IL17RA: variants seen among roughly 807,000 people sequenced by gnomAD.
IL17RA encodes interleukin-17 receptor A.
In IL17RA, 34 loss-of-function variants were observed where a neutral mutation model predicts 50.4. The ratio of observed to expected loss-of-function variants is 0.67; its 90% CI spans 0.51 to 0.90. The LOEUF (loss-of-function observed/expected upper bound fraction) is 0.90. Ranked by LOEUF, IL17RA falls within the 40% of genes least tolerant of loss-of-function variation. The pLI, the probability that IL17RA is intolerant of heterozygous loss-of-function variation, is 0.00. For missense variants in IL17RA, 1,276 were observed against 1,169.8 expected, an observed-to-expected ratio of 1.09 and a Z score of -1.32; for synonymous variants, 585 against 510.4, an observed-to-expected ratio of 1.15 and a Z score of -1.97.
At position 17,097,132 on chromosome 22, in the gene IL17RA, A is replaced by C. The variant is rs372503124; in HGVS notation, c.163+46A>C. 8.3e-6 allele frequency: 13 copies of C among 1,571,982 alleles called. No homozygotes were observed. In the African/African-American group the frequency reaches 1.6e-4, roughly 20 times the overall value. On this transcript the variant is annotated intron_variant, in intron 2 of 12. Coordinates refer to ENST00000319363, the MANE Select transcript of IL17RA (RefSeq NM_014339.7). Reference sequence around the variant, plus strand: ...CTTCTTCTTGTTGCCTTCTTAATCAAGTGAGAGCCTGCTGCCAACTTCTGA... The same window carrying C: ...CTTCTTCTTGTTGCCTTCTTAATCACGTGAGAGCCTGCTGCCAACTTCTGA...
In IL17RA at chr22:17,109,393, A is replaced by G. The variant is rs781768130; in HGVS notation, c.2174A>G (p.Asp725Gly). The change falls in exon 13 of 13, where the codon GAC becomes GGC. Residue 725 changes from aspartate (D) to glycine (G), a missense_variant. Transcript: ENST00000319363. Reference protein sequence around the residue: ...SVLFLPVDPEDSPLGSSTPMA... With the variant: ...SVLFLPVDPEGSPLGSSTPMA... ...CTCTTCCTCCCCGTGGACCCCGAGG[A>G]CTCGCCCCTTGGCAGCAGCACCCCC... 3.1e-6 allele frequency: 5 copies of G among 1,612,566 alleles called. No individual in the cohort carries two copies. Among genetic ancestry groups the G allele is most frequent in the Non-Finnish European group, 3.4e-6 (4 of 1,179,834 alleles).
In IL17RA at chr22:17,109,707, C is replaced by T; in HGVS notation, c.2488C>T (p.Pro830Ser). ...AGGGAAGCCGGCCCTGCCACTCTCT[C>T]CCGAGGACCTGGAGAGCCTGAGGAG... ...DPGKPALPLS[P>S]EDLESLRSLQ... The change falls in exon 13 of 13, where the codon CCC becomes TCC. Residue 830 changes from proline to serine, a missense_variant. Coordinates refer to ENST00000319363, the MANE Select transcript of IL17RA (RefSeq NM_014339.7). 1.3e-6 allele frequency: 2 copies of T among 1,590,822 alleles called. No homozygotes were observed. The highest frequency in any genetic ancestry group is 8.6e-7 in the Non-Finnish European group (1 of 1,169,462).
intron 1 of IL17RA, among the ~76,000 whole-genome samples, chr22:17,087,073 T>C (rs573681283): frequency 5.3e-5 from 8 of 152,194 alleles, no homozygotes; most frequent in Non-Finnish European, 1.2e-4. Context: ...CTCTCTCTCT[T>C]CTGTATACAC....
chr22:17,102,367 T>C, intron 7 of IL17RA, 65 bp downstream of exon 7: 1 of 1,564,712 alleles, frequency 6.4e-7, no homozygotes, highest in South Asian at 1.1e-5. Context: ...CCTGAGTCTC[T>C]TCTCTGCTGG....
At position 17,109,134 on chromosome 22, in the gene IL17RA, G is replaced by A. The variant is rs1302572998; in HGVS notation, c.1915G>A (p.Val639Ile). ...GGCCTGCCTGGCCATAGACCCGCTGGTCGGGGAGGAAGGAGGAGCAGCAGT... is the reference window on the plus strand; with the variant it reads ...GGCCTGCCTGGCCATAGACCCGCTGATCGGGGAGGAAGGAGGAGCAGCAGT... ...SQACLAIDPLVGEEGGAAVAK... is the reference protein window; with the variant it reads ...SQACLAIDPLIGEEGGAAVAK... Residue 639 changes from valine (V) to isoleucine (I), a missense_variant, in exon 13 of 13, where the codon GTC becomes ATC. Physicochemically the swap from Val to Ile is conservative, Grantham distance 29 (BLOSUM62 3). Coordinates refer to ENST00000319363, the MANE Select transcript of IL17RA (RefSeq NM_014339.7). The A allele has an allele frequency of 9.7e-6, 15 of 1,541,816 alleles. No individual in the cohort carries two copies. Among genetic ancestry groups the A allele is most frequent in the Non-Finnish European group, 1.3e-5 (15 of 1,150,710 alleles).
chr22:17,101,309 CTTG>C (rs1359172446), intron 5 of IL17RA, among the ~76,000 whole-genome samples: 2 of 152,202 alleles, frequency 1.3e-5, no homozygotes, highest in African/African-American at 4.8e-5. Context: ...TCAAGAAATG[CTTG>C]TTAAGGATGG....
intron 5 of IL17RA, among the ~76,000 whole-genome samples, chr22:17,101,437 G>A (rs2061390988): frequency 1.3e-5 from 2 of 152,356 alleles, no homozygotes; most frequent in East Asian, 1.9e-4. Flanking sequence ...GGTACTGCAT[G>A]CTGTGTGTTT....
chr22:17,094,931 T>C (rs1443763023), intron 1 of IL17RA, among the ~76,000 whole-genome samples: 1 of 151,686 alleles, frequency 6.6e-6, no homozygotes, highest in Non-Finnish European at 1.5e-5. Flanking sequence ...GATGGACATT[T>C]AGATTTAAAC....
chr22:17,109,454 G>A lies in IL17RA; in HGVS notation c.2235G>A (p.Arg745=). Residue 745 remains arginine (R), a synonymous_variant, in exon 13 of 13, where the codon AGG becomes AGA. Transcript: ENST00000319363. ...ASPDLLPEDV[R]EHLEGLMLSL... ...CTGACCTCCTTCCAGAGGACGTGAGGGAGCACCTCGAAGGCTTGATGCTCT... is the reference window on the plus strand; with the variant it reads ...CTGACCTCCTTCCAGAGGACGTGAGAGAGCACCTCGAAGGCTTGATGCTCT... The A allele has an allele frequency of 6.2e-7, 1 of 1,613,236 alleles. No individual in the cohort carries two copies. The highest frequency in any genetic ancestry group is 1.1e-5 in the South Asian group (1 of 90,990).
chr22:17,094,691 C>CTCTATA (rs1448096911), intron 1 of IL17RA, among the ~76,000 whole-genome samples: 2 of 24,704 alleles, frequency 8.1e-5, no homozygotes, highest in Non-Finnish European at 1.3e-4. Flanking sequence ...CTCTCTCTCT[C>CTCTATA]TATATATATA....
At chr22:17,087,256 G>C (rs774325440) in intron 1 of IL17RA, among the ~76,000 whole-genome samples, 1 of 152,232 alleles carries the variant, frequency 6.6e-6, no homozygotes, top group Non-Finnish European at 1.5e-5. Flanking sequence ...CAGAGGACCT[G>C]GATTTGCAGG....
intron 7 of IL17RA, 81 bp downstream of exon 7, chr22:17,102,383 C>A: frequency 6.6e-7 from 1 of 1,507,428 alleles, no homozygotes; most frequent in Non-Finnish European, 9.2e-7. Flanking sequence ...GCTGGTCTGA[C>A]AGAACCGCGT....
chr22:17,109,292 A>G lies in IL17RA; in HGVS notation c.2073A>G (p.Ala691=). Residue 691 remains alanine (A), a synonymous_variant, in exon 13 of 13, where the codon GCA becomes GCG. Transcript: ENST00000319363. ...VEPGPLADGA[A]VRLALAGEGE... ...CTGGGCCCCTGGCTGACGGTGCCGC[A>G]GTCCGGCTGGCACTGGCGGGGGAGG... is the stretch of plus-strand genomic sequence containing the variant. 6.5e-7 allele frequency: 1 copy of G among 1,529,430 alleles called. No individual in the cohort carries two copies. The highest frequency in any genetic ancestry group is 1.2e-5 in the South Asian group (1 of 83,016). 94.7% of individuals were successfully genotyped at this position (1,529,430 alleles called of 1,614,324 possible).
At chr22:17,106,632 C>T (rs1474518306) in intron 11 of IL17RA, among the ~76,000 whole-genome samples, 1 of 152,212 alleles carries the variant, frequency 6.6e-6, no homozygotes, top group East Asian at 1.9e-4. Flanking sequence ...GGCTTCAGCC[C>T]TTGCCTGCCC....
Position 17,109,338 on chromosome 22 carries a change from G to T in IL17RA, c.2119G>T (p.Gly707Cys), listed in dbSNP as rs1441476450. 2 of 1,573,168 alleles carry T rather than the reference G, an allele frequency of 1.3e-6. No homozygotes were observed. Among genetic ancestry groups the T allele is most frequent in the Admixed American group, 3.5e-5 (2 of 56,558 alleles). Reference sequence around the variant, plus strand: ...GGAGGGCGAGGCCTGCCCGCTGCTGGGCAGCCCGGGCGCTGGGCGAAATAG... The same window carrying T: ...GGAGGGCGAGGCCTGCCCGCTGCTGTGCAGCCCGGGCGCTGGGCGAAATAG... The part of the protein sequence containing the change: ...AGEGEACPLL[G>C]SPGAGRNSVL... The change falls in exon 13 of 13, where the codon GGC becomes TGC. Residue 707 changes from glycine to cysteine, a missense_variant. Gly to Cys is a radical substitution (Grantham distance 159). Coordinates refer to ENST00000319363, the MANE Select transcript of IL17RA (RefSeq NM_014339.7).
chr22:17,104,914 G>T (rs2061408060), intron 9 of IL17RA, 104 bp downstream of exon 9: 2 of 1,108,670 alleles, frequency 1.8e-6, no homozygotes, highest in South Asian at 1.3e-5. Context: ...GATTAGGGAG[G>T]AGAGTTTAGT....
At chr22:17,094,928 A>G (rs1409009029) in intron 1 of IL17RA, among the ~76,000 whole-genome samples, 2 of 151,624 alleles carry the variant, frequency 1.3e-5, no homozygotes, top group Non-Finnish European at 1.5e-5. Context: ...TTTGATGGAC[A>G]TTTAGATTTA....
In IL17RA at chr22:17,110,174, A is replaced by G; in HGVS notation, c.*354A>G. 1 of 353,678 alleles carries G rather than the reference A, an allele frequency of 2.8e-6. No homozygotes were observed. The highest frequency in any genetic ancestry group is 5.4e-6 in the Non-Finnish European group (1 of 185,802). The allele number at this position is 353,678 out of a possible 1,614,324, so 21.9% of individuals were successfully genotyped here. ...GCGGCATGGCCCCAGCCATGAAGGA[A>G]CTTAACCGCTAGTGCCGAGGACACG... On this transcript the variant is annotated 3_prime_UTR_variant, in exon 13 of 13. Coordinates refer to ENST00000319363, the MANE Select transcript of IL17RA (RefSeq NM_014339.7).
Position 17,085,219 on chromosome 22 carries a change from G to T in IL17RA, c.128G>T (p.Cys43Phe). 1 of 1,537,366 alleles carries T rather than the reference G, an allele frequency of 6.5e-7. No individual in the cohort carries two copies. ...CTCCTGGACCACCGGGCGCTGGTCT[G>T]CTCCCAGCCGGTGAGACTCGACGTG... ...LRLLDHRALV[C>F]SQPGLNCTVK... The change falls in exon 1 of 13, where the codon TGC becomes TTC. Residue 43 changes from cysteine to phenylalanine, a missense_variant. Coordinates refer to ENST00000319363, the MANE Select transcript of IL17RA (RefSeq NM_014339.7).
Sources: gnomAD v4.1 joint callset for allele counts (sites outside exome capture counted in the v4.1 genomes callset) on GRCh38, gnomAD v4.1.1 for gene constraint, MANE v1.5 for transcripts, NCBI Gene and HGNC (gene_info 2026-07-23, HGNC 2026-07-21) for gene names.